The following PCLAF variants were observed in gnomAD, a reference collection of about 807,000 sequenced individuals.
PCLAF encodes the protein PCNA clamp associated factor.
A neutral mutation model predicts 15.1 loss-of-function variants in PCLAF; 12 were observed. That is an observed-to-expected ratio of 0.79 (90% CI 0.51 to 1.29). The LOEUF (loss-of-function observed/expected upper bound fraction) is 1.29. PCLAF is among the 50% of genes most tolerant of loss of function. The probability of loss-of-function intolerance (pLI) is 0.00; values close to 1 mark genes in which losing one functional copy is unlikely to be tolerated. For missense variants in PCLAF, 116 were observed against 130.9 expected (o/e 0.89, Z 0.56); for synonymous variants, 33 against 47.1 (o/e 0.70, Z 1.22).
intron 2 of PCLAF, among the ~76,000 whole-genome samples, chr15:64,380,504 A>C (rs1412930750): frequency 1.3e-5 from 2 of 151,998 alleles, no homozygotes; most frequent in Non-Finnish European, 2.9e-5. Flanking sequence ...GGAGTTTGAG[A>C]CCAGCTTAGG....
At chr15:64,381,599 C>G (rs1899825322), upstream of PCLAF, 2 of 1,301,556 alleles carry the variant, frequency 1.5e-6, no homozygotes, top group Non-Finnish European at 2.0e-6. Context: ...AGCGCGAATC[C>G]GTCCATCAAC....
intron 3 of PCLAF, among the ~76,000 whole-genome samples, chr15:64,372,841 C>T (rs942480607): frequency 5.9e-5 from 9 of 151,902 alleles, no homozygotes; most frequent in South Asian, 2.1e-4. Flanking sequence ...TGTGGTGGCA[C>T]GTGCCTGTAA....
upstream of PCLAF, among the ~76,000 whole-genome samples, chr15:64,386,394 C>T (rs761885398): frequency 1.3e-5 from 2 of 152,188 alleles, no homozygotes; most frequent in Admixed American, 1.3e-4. Flanking sequence ...AATCAGGGCT[C>T]ACTTCAAGCT....
exon 1 of PCLAF, chr15:64,387,488 A>G (rs1471355336): frequency 7.8e-7 from 1 of 1,285,402 alleles, no homozygotes; most frequent in Non-Finnish European, 1.0e-6. Flanking sequence ...ATTTTACATA[A>G]AACCATGACG....
At chr15:64,376,422 C>T (rs1160336735) in intron 3 of PCLAF, among the ~76,000 whole-genome samples, 1 of 151,408 alleles carries the variant, frequency 6.6e-6, no homozygotes, top group African/African-American at 2.4e-5. Flanking sequence ...TCACTCTGTC[C>T]CCCAGACTGG....
chr15:64,378,024 G>A (rs1899684310), intron 2 of PCLAF, among the ~76,000 whole-genome samples: 1 of 151,740 alleles, frequency 6.6e-6, no homozygotes, highest in Admixed American at 6.6e-5. Flanking sequence ...TCCGCCTCCC[G>A]GGTTCATGCC....
intron 1 of PCLAF, chr15:64,387,433 G>C: frequency 8.3e-7 from 1 of 1,203,222 alleles, no homozygotes; most frequent in Non-Finnish European, 1.1e-6. Context: ...ACCACCACCA[G>C]AGCAAAAACT....
chr15:64,387,240 G>A (rs1899964527), intron 1 of PCLAF, among the ~76,000 whole-genome samples: 1 of 151,984 alleles, frequency 6.6e-6, no homozygotes, highest in African/African-American at 2.4e-5. Flanking sequence ...AAATTAGCCG[G>A]GCGTGGTGGC....
intron 1 of PCLAF, among the ~76,000 whole-genome samples, chr15:64,387,167 T>G (rs1245392333): frequency 6.6e-6 from 1 of 151,798 alleles, no homozygotes; most frequent in Non-Finnish European, 1.5e-5. Context: ...ACAGGGGGTA[T>G]TAAAAATAAA....
intron 3 of PCLAF, among the ~76,000 whole-genome samples, chr15:64,367,270 G>A (rs1352645169): frequency 8.6e-5 from 13 of 151,994 alleles, no homozygotes; most frequent in African/African-American, 2.4e-4. Context: ...TCGGGAGGCC[G>A]AGGCGGGTGG....
At chr15:64,381,574 G>C (rs1201829179), upstream of PCLAF, 2 of 1,414,818 alleles carry the variant, frequency 1.4e-6, no homozygotes, top group African/African-American at 2.9e-5. Context: ...TGGTGACAGC[G>C]GCGAGGCTTC....
chr15:64,385,084 C>T (rs532459368), upstream of PCLAF, among the ~76,000 whole-genome samples: 48 of 152,048 alleles, frequency 3.2e-4, no homozygotes, highest in African/African-American at 1.1e-3. Context: ...GAGACAGGGT[C>T]TCCTGATATT....
At chr15:64,379,480 CAAAAAAAAAAAA>C (rs1899742670) in intron 2 of PCLAF, among the ~76,000 whole-genome samples, 2 of 114,246 alleles carry the variant, frequency 1.8e-5, no homozygotes, top group Non-Finnish European at 3.7e-5. Flanking sequence ...GACCCTGTCT[CAAAAAAAAAAAA>C]GAAAAAAGAA....
intron 1 of PCLAF, among the ~76,000 whole-genome samples, chr15:64,386,614 C>T (rs1211951878): frequency 1.3e-5 from 2 of 151,040 alleles, no homozygotes; most frequent in Admixed American, 6.6e-5. Flanking sequence ...TGAGCCACCA[C>T]GCCCAGTGTG....
upstream of PCLAF, among the ~76,000 whole-genome samples, chr15:64,384,300 A>C (rs907242113): frequency 5.9e-5 from 9 of 151,988 alleles, no homozygotes; most frequent in African/African-American, 2.2e-4. Context: ...CATCCAGCTA[A>C]CTTTTGTATT....
At chr15:64,371,668 A>T (rs537444070) in intron 3 of PCLAF, among the ~76,000 whole-genome samples, 1 of 152,040 alleles carries the variant, frequency 6.6e-6, no homozygotes, top group African/African-American at 2.4e-5. Flanking sequence ...CAGTGGCGCA[A>T]TCTTGGCTCA....
intron 3 of PCLAF, 133 bp from the exon 4 acceptor site, chr15:64,366,208 A>G (rs577500229): frequency 3.6e-5 from 18 of 500,518 alleles, no homozygotes; most frequent in African/African-American, 3.2e-4. Flanking sequence ...GAAATGAAAG[A>G]AAATTAAACT....
intron 3 of PCLAF, among the ~76,000 whole-genome samples, chr15:64,366,594 T>A (rs990803726): frequency 4.6e-5 from 7 of 152,068 alleles, no homozygotes; most frequent in Non-Finnish European, 1.5e-5. Context: ...TCCCAGCACT[T>A]TGGGAGGATG....
At chr15:64,370,437 G>A (rs188239875) in intron 3 of PCLAF, among the ~76,000 whole-genome samples, 2 of 150,868 alleles carry the variant, frequency 1.3e-5, no homozygotes, top group Non-Finnish European at 3.0e-5. Context: ...GCATGATCTC[G>A]GCTCACTGCA....
Sources: gnomAD v4.1 joint callset for allele counts (sites outside exome capture counted in the v4.1 genomes callset) on GRCh38, gnomAD v4.1.1 for gene constraint, MANE v1.5 for transcripts, NCBI Gene and HGNC (gene_info 2026-07-23, HGNC 2026-07-21) for gene names.